NAV2: variants seen among roughly 807,000 people sequenced by gnomAD.
NAV2 encodes neuron navigator 2.
NAV2 carries 54 observed loss-of-function variants against 223.2 expected under a neutral mutation model. The ratio of observed to expected loss-of-function variants is 0.24; its 90% confidence interval spans 0.19 to 0.30. The LOEUF (loss-of-function observed/expected upper bound fraction) is 0.30. Ranked by LOEUF, NAV2 falls within the 10% of genes least tolerant of loss-of-function variation. The pLI is 1.00. For synonymous variants in NAV2, 1,279 were observed against 1,239.3 expected, an observed-to-expected ratio of 1.03 and a Z score of -0.67; for missense variants, 2,806 against 3,147.5, an observed-to-expected ratio of 0.89 and a Z score of 2.60.
At chr11:19,369,766 T>G (rs1264112893) in intron 1 of NAV2, among the ~76,000 whole-genome samples, 2 of 152,162 alleles carry the variant, frequency 1.3e-5, no homozygotes, top group Non-Finnish European at 2.9e-5. Flanking sequence ...CCTCCTGAGG[T>G]TGTTGTGAAT....
chr11:19,755,259 G>A (rs1278323898), intron 1 of NAV2, among the ~76,000 whole-genome samples: 1 of 152,198 alleles, frequency 6.6e-6, no homozygotes, highest in East Asian at 1.9e-4. Context: ...CTAAAAATAA[G>A]AGAATTGGCT....
chr11:19,360,806 G>A (rs902861278), intron 1 of NAV2, among the ~76,000 whole-genome samples: 1 of 152,208 alleles, frequency 6.6e-6, no homozygotes, highest in Non-Finnish European at 1.5e-5. Context: ...ATCATCTCTT[G>A]AATGTTTGTC....
At chr11:19,356,124 G>C (rs1853600657) in intron 1 of NAV2, among the ~76,000 whole-genome samples, 1 of 152,190 alleles carries the variant, frequency 6.6e-6, no homozygotes, top group African/African-American at 2.4e-5. Flanking sequence ...TTCCTGACAT[G>C]AATGAAGGGA....
At position 19,879,927 on chromosome 11, in the gene NAV2, C is replaced by A; in HGVS notation, c.570C>A (p.Tyr190Ter). The A allele has an allele frequency of 1.2e-6, 2 of 1,613,718 alleles. No homozygotes were observed. The highest frequency in any genetic ancestry group is 1.7e-6 in the Non-Finnish European group (2 of 1,180,040). Residue 190 changes from tyrosine (Y) to a stop codon, truncating the protein, a stop_gained, in exon 5 of 38, where the codon TAC (tyrosine) becomes TAA (stop). Coordinates refer to ENST00000349880, the MANE Select transcript of NAV2 (RefSeq NM_145117.5). LOFTEE classifies it high-confidence loss of function. ...GCCTCTTCTTCAGCCTCTCCCGATA[C>A]AAGCAGCAGCAGCAGCAGCCCCAGA... Reference protein sequence around the residue: ...ILGLFFSLSRYKQQQQQPQKQ... With the variant: ...ILGLFFSLSR
At chr11:19,788,675 G>T (rs2057311999) in intron 1 of NAV2, among the ~76,000 whole-genome samples, 1 of 152,160 alleles carries the variant, frequency 6.6e-6, no homozygotes. Context: ...TCTCTCTCCT[G>T]TACCTCCTTT....
At chr11:19,472,934 G>A (rs2042007267) in intron 1 of NAV2, among the ~76,000 whole-genome samples, 1 of 152,164 alleles carries the variant, frequency 6.6e-6, no homozygotes, top group South Asian at 2.1e-4. Context: ...GCCAGGTCTG[G>A]GTGAAGATCC....
intron 1 of NAV2, among the ~76,000 whole-genome samples, chr11:19,507,697 G>C (rs771659846): frequency 6.6e-6 from 1 of 152,180 alleles, no homozygotes; most frequent in African/African-American, 2.4e-5. Context: ...CTATGATGCC[G>C]ATGATATTAA....
intron 20 of NAV2, among the ~76,000 whole-genome samples, chr11:20,067,675 G>C (rs1487774763): frequency 7.0e-6 from 1 of 142,750 alleles, no homozygotes; most frequent in Non-Finnish European, 1.5e-5. Flanking sequence ...ATTTTTAGTA[G>C]AGATGGGTTT....
chr11:19,464,641 G>A (rs945388256), intron 1 of NAV2, among the ~76,000 whole-genome samples: 1 of 152,170 alleles, frequency 6.6e-6, no homozygotes, highest in African/African-American at 2.4e-5. Flanking sequence ...CAGGAGATGT[G>A]GTTCATAGGG....
intron 1 of NAV2, among the ~76,000 whole-genome samples, chr11:19,823,663 GGGTCTCTTAAGGAA>G (rs1324696409): frequency 6.6e-6 from 1 of 152,138 alleles, no homozygotes; most frequent in Admixed American, 6.6e-5. Flanking sequence ...AAAGACTCTG[GGGTCTCTTAAGGAA>G]GGTCGAGCAA....
At chr11:19,963,371 C>T (rs2048499853) in intron 10 of NAV2, among the ~76,000 whole-genome samples, 1 of 152,142 alleles carries the variant, frequency 6.6e-6, no homozygotes, top group Non-Finnish European at 1.5e-5. Context: ...GATTCAAAGC[C>T]CGGGATCCCA....
chr11:19,975,604 A>G (rs961880733), intron 10 of NAV2, among the ~76,000 whole-genome samples: 2 of 152,204 alleles, frequency 1.3e-5, no homozygotes, highest in African/African-American at 4.8e-5. Context: ...CACGTGATCA[A>G]TCTCTCTGCT....
intron 1 of NAV2, among the ~76,000 whole-genome samples, chr11:19,516,751 T>C (rs1186080632): frequency 6.6e-6 from 1 of 152,188 alleles, no homozygotes; most frequent in African/African-American, 2.4e-5. Context: ...GCTGGGCTGG[T>C]GTTTCCACCT....
intron 1 of NAV2, among the ~76,000 whole-genome samples, chr11:19,733,179 T>C (rs116520000): frequency 1.1e-4 from 17 of 152,334 alleles, no homozygotes; most frequent in African/African-American, 3.8e-4. Context: ...CCCTTGATGG[T>C]TGAAGGTCAG....
intron 4 of NAV2, among the ~76,000 whole-genome samples, chr11:19,879,278 T>A (rs1442451944): frequency 6.6e-6 from 1 of 152,246 alleles, no homozygotes; most frequent in African/African-American, 2.4e-5. Flanking sequence ...TAATTTCTTT[T>A]AATGTAGGGA....
intron 1 of NAV2, among the ~76,000 whole-genome samples, chr11:19,558,953 G>A (rs569490868): frequency 6.6e-6 from 1 of 152,144 alleles, no homozygotes; most frequent in African/African-American, 2.4e-5. Flanking sequence ...AGAACTAAAG[G>A]CCGTTCCCAG....
intron 1 of NAV2, among the ~76,000 whole-genome samples, chr11:19,810,294 A>G (rs1020900595): frequency 6.6e-6 from 1 of 152,158 alleles, no homozygotes; most frequent in Non-Finnish European, 1.5e-5. Flanking sequence ...GAGTGGGGAT[A>G]TATGCCTACA....
intron 1 of NAV2, among the ~76,000 whole-genome samples, chr11:19,688,557 A>G (rs1244550148): frequency 6.6e-6 from 1 of 152,246 alleles, no homozygotes; most frequent in African/African-American, 2.4e-5. Flanking sequence ...AAGGAGAATT[A>G]TTAAGTAGAA....
intron 1 of NAV2, among the ~76,000 whole-genome samples, chr11:19,492,401 T>C (rs1447944797): frequency 1.3e-5 from 2 of 152,128 alleles, no homozygotes; most frequent in Admixed American, 6.5e-5. Flanking sequence ...AAATTTACTG[T>C]GTTAAATATC....
Sources: allele counts gnomAD v4.1 joint callset (sites outside exome capture counted in the v4.1 genomes callset), GRCh38; gene constraint gnomAD v4.1.1; transcripts MANE v1.5; gene names NCBI Gene and HGNC (gene_info 2026-07-23, HGNC 2026-07-21).